The following SORCS3 variants were observed in gnomAD, a reference collection of about 807,000 sequenced individuals.
The protein encoded by SORCS3 is sortilin related VPS10 domain containing receptor 3, also known as VPS10 domain-containing receptor SorCS3.
In SORCS3, 57 loss-of-function variants were observed where a neutral mutation model predicts 146.3. That is an observed-to-expected ratio of 0.39 (90% CI 0.31 to 0.49). The LOEUF (loss-of-function observed/expected upper bound fraction) is 0.49, where lower values mean the gene tolerates loss of function less well. Ranked by LOEUF, SORCS3 falls within the 20% of genes least tolerant of loss-of-function variation. The pLI, the probability that SORCS3 is intolerant of heterozygous loss-of-function variation, is 0.92. For synonymous variants in SORCS3, 653 were observed against 618.5 expected (o/e 1.06, Z -0.83); for missense variants, 1,341 against 1,575.5 (o/e 0.85, Z 2.52).
At chr10:105,180,903 C>A (rs1366066898) in intron 14 of SORCS3, among the ~76,000 whole-genome samples, 2 of 152,114 alleles carry the variant, frequency 1.3e-5, no homozygotes, top group Non-Finnish European at 2.9e-5. Context: ...TGTTATCTGG[C>A]CTTATTTATT....
At chr10:104,675,772 A>C in intron 1 of SORCS3, among the ~76,000 whole-genome samples, 1 of 152,282 alleles carries the variant, frequency 6.6e-6, no homozygotes, top group Middle Eastern at 3.4e-3. Context: ...CTTTATAATC[A>C]ATCTTATTAT....
chr10:105,155,769 G>T (rs899279882), intron 9 of SORCS3, among the ~76,000 whole-genome samples: 1 of 152,124 alleles, frequency 6.6e-6, no homozygotes, highest in African/African-American at 2.4e-5. Flanking sequence ...TGGTTTCTCT[G>T]CTTACCTACC....
chr10:104,642,022 G>GGGGGGGGGGGGGGCGCC, intron 1 of SORCS3, 68 bp downstream of exon 1: 1 of 173,336 alleles, frequency 5.8e-6, no homozygotes, highest in Admixed American at 8.9e-5. Context: ...GGGTGGGTGG[G>GGGGGGGGGGGGGGCGCC]AGCGAGGGAC....
intron 1 of SORCS3, among the ~76,000 whole-genome samples, chr10:104,757,066 G>GTTTTTTTTTTTTTTTTT (rs35550035): frequency 3.6e-5 from 3 of 83,982 alleles, no homozygotes; most frequent in African/African-American, 4.6e-5. Flanking sequence ...CAAGTTAAGG[G>GTTTTTTTTTTTTTTTTT]TTTTTTTTTT....
In SORCS3 at chr10:105,167,338, C is replaced by T; in HGVS notation, c.1890C>T (p.Val630=). The T allele has an allele frequency of 6.2e-7, 1 of 1,613,142 alleles. No homozygotes were observed. Among genetic ancestry groups the T allele is most frequent in the South Asian group, 1.1e-5 (1 of 91,024 alleles). Residue 630 remains valine, a synonymous_variant, in exon 13 of 27, where the codon GTC becomes GTT. Transcript: ENST00000369701. ...LVAMKHTPLP[V]RHLWVSFDEG... Reference sequence around the variant, plus strand: ...CCATGAAACACACACCTCTGCCAGTCAGGCATTTGTGGTAAGGAGAGCTCC... The same window carrying T: ...CCATGAAACACACACCTCTGCCAGTTAGGCATTTGTGGTAAGGAGAGCTCC...
At chr10:104,895,478 C>T (rs552588539) in intron 2 of SORCS3, among the ~76,000 whole-genome samples, 17 of 152,294 alleles carry the variant, frequency 1.1e-4, no homozygotes, top group Non-Finnish European at 2.2e-4. Context: ...GACTTGCGTG[C>T]ACTTTGCCTT....
At chr10:105,051,163 C>T (rs1467203990) in intron 5 of SORCS3, among the ~76,000 whole-genome samples, 1 of 152,110 alleles carries the variant, frequency 6.6e-6, no homozygotes, top group Non-Finnish European at 1.5e-5. Context: ...TGTGTATGTA[C>T]ATATACACAC....
chr10:105,257,633 A>G (rs955910530), intron 25 of SORCS3, among the ~76,000 whole-genome samples: 1 of 152,222 alleles, frequency 6.6e-6, no homozygotes, highest in African/African-American at 2.4e-5. Flanking sequence ...ATAAGATCCA[A>G]TTTTAACTTT....
chr10:104,809,366 G>C (rs2017715783), intron 1 of SORCS3, among the ~76,000 whole-genome samples: 2 of 152,212 alleles, frequency 1.3e-5, no homozygotes, highest in African/African-American at 4.8e-5. Flanking sequence ...CAGCTGGGGT[G>C]CTAGGGAAGC....
At chr10:105,096,935 A>G (rs1161250934) in intron 6 of SORCS3, among the ~76,000 whole-genome samples, 1 of 152,254 alleles carries the variant, frequency 6.6e-6, no homozygotes, top group East Asian at 1.9e-4. Context: ...TAAATAAAAC[A>G]TATAAATGAA....
intron 5 of SORCS3, among the ~76,000 whole-genome samples, chr10:105,081,091 G>A (rs1216263361): frequency 1.3e-5 from 2 of 152,182 alleles, no homozygotes; most frequent in South Asian, 2.1e-4. Context: ...CCCCGTAAAT[G>A]TATACAACTA....
intron 3 of SORCS3, among the ~76,000 whole-genome samples, chr10:104,918,389 A>G (rs2019054339): frequency 1.3e-5 from 2 of 152,206 alleles, no homozygotes; most frequent in South Asian, 4.1e-4. Context: ...GTCAGGCCAG[A>G]TGTATTTGCA....
At chr10:104,777,669 A>G (rs1430080494) in intron 1 of SORCS3, among the ~76,000 whole-genome samples, 2 of 152,138 alleles carry the variant, frequency 1.3e-5, no homozygotes, top group Non-Finnish European at 2.9e-5. Context: ...GCACAGGACA[A>G]CCCTCACAAC....
intron 7 of SORCS3, among the ~76,000 whole-genome samples, chr10:105,123,615 G>T (rs1169926489): frequency 6.6e-6 from 1 of 152,120 alleles, no homozygotes; most frequent in Non-Finnish European, 1.5e-5. Flanking sequence ...GAAAACCACA[G>T]TTCCTGCCAT....
chr10:105,161,114 A>G (rs1337413594), intron 11 of SORCS3, among the ~76,000 whole-genome samples: 1 of 152,200 alleles, frequency 6.6e-6, no homozygotes, highest in Non-Finnish European at 1.5e-5. Flanking sequence ...TTTTTGTCCC[A>G]TATGTATCAG....
chr10:104,748,591 A>G (rs1187554614), intron 1 of SORCS3, among the ~76,000 whole-genome samples: 1 of 152,080 alleles, frequency 6.6e-6, no homozygotes, highest in Non-Finnish European at 1.5e-5. Flanking sequence ...AGTGGCTCAC[A>G]CCTGTAATCC....
At chr10:104,848,288 C>T (rs1334296267) in intron 2 of SORCS3, among the ~76,000 whole-genome samples, 1 of 151,982 alleles carries the variant, frequency 6.6e-6, no homozygotes, top group Non-Finnish European at 1.5e-5. Flanking sequence ...TTATTTCCTC[C>T]TTAATTGTTC....
intron 1 of SORCS3, among the ~76,000 whole-genome samples, chr10:104,696,504 A>T (rs867313287): frequency 4.3e-5 from 4 of 92,674 alleles, no homozygotes; most frequent in African/African-American, 2.0e-4. Flanking sequence ...AATATATATA[A>T]TATATAATAT....
intron 9 of SORCS3, among the ~76,000 whole-genome samples, chr10:105,155,487 G>A (rs1423353506): frequency 6.6e-6 from 1 of 152,210 alleles, no homozygotes; most frequent in Non-Finnish European, 1.5e-5. Flanking sequence ...CACCAGCTCT[G>A]TGGCTAAACA....
Sources: gnomAD v4.1 joint callset for allele counts (sites outside exome capture counted in the v4.1 genomes callset) on GRCh38, gnomAD v4.1.1 for gene constraint, MANE v1.5 for transcripts, NCBI Gene and HGNC (gene_info 2026-07-23, HGNC 2026-07-21) for gene names.